RGS12: variants seen among roughly 807,000 people sequenced by gnomAD.
RGS12 encodes regulator of G-protein signaling 12.
RGS12 carries 66 observed loss-of-function variants against 120.1 expected under a neutral mutation model. The observed-to-expected ratio is 0.55, with a 90% confidence interval of 0.45 to 0.67. RGS12 has a LOEUF of 0.67. RGS12 is among the 30% of genes least tolerant of loss of function. The pLI is 0.00. For missense variants in RGS12, 1,859 were observed against 1,957.7 expected (o/e 0.95, Z 0.95); for synonymous variants, 827 against 804.7 (o/e 1.03, Z -0.47).
At chr4:3,295,247 C>T (rs1011556282) in intron 1 of RGS12, among the ~76,000 whole-genome samples, 6 of 152,182 alleles carry the variant, frequency 3.9e-5, no homozygotes, top group Non-Finnish European at 5.9e-5. Context: ...CTGAGGCTGC[C>T]GCTAGTCAGC....
intron 4 of RGS12, among the ~76,000 whole-genome samples, chr4:3,387,937 G>T (rs961196000): frequency 1.3e-5 from 2 of 152,210 alleles, no homozygotes; most frequent in South Asian, 2.1e-4. Context: ...CCATTTTACA[G>T]TTGTTTAAAA....
chr4:3,430,180 G>A (rs1403088221), intron 16 of RGS12, among the ~76,000 whole-genome samples: 2 of 152,224 alleles, frequency 1.3e-5, no homozygotes, highest in African/African-American at 4.8e-5. Flanking sequence ...TTTTTAGGGA[G>A]TACACAGCTT....
At chr4:3,393,861 G>A (rs1024051546) in intron 4 of RGS12, among the ~76,000 whole-genome samples, 1 of 152,278 alleles carries the variant, frequency 6.6e-6, no homozygotes, top group Non-Finnish European at 1.5e-5. Flanking sequence ...TGTACAAAGA[G>A]CTTCACTGAT....
chr4:3,411,708 G>A (rs1056504958), intron 4 of RGS12, among the ~76,000 whole-genome samples: 10 of 152,280 alleles, frequency 6.6e-5, no homozygotes, highest in Admixed American at 3.3e-4. Context: ...GAGTGTGCAA[G>A]TTGAGTGTGT....
chr4:3,386,540 T>G, intron 4 of RGS12, 103 bp downstream of exon 4: 1 of 988,326 alleles, frequency 1.0e-6, no homozygotes, highest in Non-Finnish European at 1.6e-6. Flanking sequence ...ACGGGTTGTT[T>G]GCCTTTCCCT....
At chr4:3,338,085 A>G (rs1403829509) in intron 2 of RGS12, among the ~76,000 whole-genome samples, 1 of 152,124 alleles carries the variant, frequency 6.6e-6, no homozygotes, top group Non-Finnish European at 1.5e-5. Context: ...TTTTAGACAG[A>G]GTTTTGCTCT....
chr4:3,386,298 A>G, intron 3 of RGS12, 118 bp from the exon 4 acceptor site: 1 of 947,844 alleles, frequency 1.1e-6, no homozygotes. Flanking sequence ...CTCCACCTGG[A>G]GAGTGCCTCT....
chr4:3,410,483 G>C (rs28505211), intron 4 of RGS12, among the ~76,000 whole-genome samples: 7,668 of 152,248 alleles, frequency 0.05, 618 homozygotes, highest in African/African-American at 0.17. Context: ...TGTGCCTTTG[G>C]GGGGGCTGTC....
At chr4:3,291,924 C>T (rs1332493817), upstream of RGS12, among the ~76,000 whole-genome samples, 2 of 152,322 alleles carry the variant, frequency 1.3e-5, no homozygotes, top group East Asian at 3.9e-4. Flanking sequence ...CCATTGGTTT[C>T]CTCCTGGGAT....
chr4:3,409,365 T>C (rs1458593926), intron 4 of RGS12, among the ~76,000 whole-genome samples: 1 of 152,276 alleles, frequency 6.6e-6, no homozygotes, highest in African/African-American at 2.4e-5. Flanking sequence ...CTTTCTTGAT[T>C]AGACTTTTAA....
intron 3 of RGS12, among the ~76,000 whole-genome samples, chr4:3,358,080 T>C (rs1470215493): frequency 7.2e-5 from 11 of 152,232 alleles, no homozygotes. Flanking sequence ...GTTCAGTTAA[T>C]TCCTCAGTAT....
chr4:3,345,552 G>T (rs902237468), intron 3 of RGS12, among the ~76,000 whole-genome samples: 2 of 152,218 alleles, frequency 1.3e-5, no homozygotes, highest in African/African-American at 4.8e-5. Context: ...AGGAGTCAGT[G>T]TCAGAGCTCA....
rs145904247 is a variant in RGS12, at chr4:3,352,310, G to A, written c.1998+9257G>A. On this transcript the variant is annotated intron_variant, in intron 3 of 17. Coordinates refer to ENST00000336727, the MANE Select transcript of RGS12 (RefSeq NM_001394154.1). ...ACAAAAAATGGGAGGCTTGGTTTGA[G>A]AGGAGACTTTCAAGGGCAGAAGAGG... Among the ~76,000 whole-genome samples the A allele has an allele frequency of 4.2e-4, 64 of 152,276 alleles. 2 individuals carry two copies. In the East Asian group the frequency reaches 0.012, roughly 28 times the overall value.
intron 13 of RGS12, among the ~76,000 whole-genome samples, chr4:3,424,161 C>T (rs990646305): frequency 4.6e-5 from 7 of 152,242 alleles, no homozygotes; most frequent in Admixed American, 6.5e-5. Context: ...GGGTGGTGAC[C>T]GCAGGTGCTG....
At chr4:3,438,690 C>T (rs993449765) in intron 17 of RGS12, among the ~76,000 whole-genome samples, 3 of 152,198 alleles carry the variant, frequency 2.0e-5, no homozygotes, top group Non-Finnish European at 2.9e-5. Flanking sequence ...GGAGGCCTCC[C>T]GGGGGTGCTG....
At chr4:3,296,357 GT>G (rs1001596267) in intron 1 of RGS12, among the ~76,000 whole-genome samples, 152 of 142,260 alleles carry the variant, frequency 1.1e-3, no homozygotes, top group Admixed American at 2.5e-3. Flanking sequence ...AATTTTTTCT[GT>G]TTTTTTTTTT....
chr4:3,396,749 C>T (rs1277580233), intron 4 of RGS12, among the ~76,000 whole-genome samples: 1 of 152,040 alleles, frequency 6.6e-6, no homozygotes, highest in Non-Finnish European at 1.5e-5. Context: ...CTTGCATTTC[C>T]TTATATATTT....
chr4:3,288,220 G>A (rs1188908608), upstream of RGS12, among the ~76,000 whole-genome samples: 1 of 152,150 alleles, frequency 6.6e-6, no homozygotes, highest in African/African-American at 2.4e-5. This position sits in a 1 kb window ranked among gnomAD's most constrained non-coding sequence, Gnocchi z 5.2. Context: ...TGGTGGGCGT[G>A]TGGGAGGGCT....
intron 3 of RGS12, among the ~76,000 whole-genome samples, chr4:3,363,637 G>A (rs1186198456): frequency 2.0e-5 from 3 of 151,948 alleles, no homozygotes; most frequent in East Asian, 1.9e-4. Flanking sequence ...CTCACCCGGC[G>A]CACACTGCAG....
Sources: gnomAD v4.1 joint callset for allele counts (sites outside exome capture counted in the v4.1 genomes callset) on GRCh38, gnomAD v4.1.1 for gene constraint, Gnocchi (gnomAD v3.1) non-coding constraint, MANE v1.5 for transcripts, NCBI Gene and HGNC (gene_info 2026-07-23, HGNC 2026-07-21) for gene names.